TENM2: variants seen among roughly 807,000 people sequenced by gnomAD.
TENM2 encodes the protein teneurin-2.
A neutral mutation model predicts 245.2 loss-of-function variants in TENM2; 52 were observed. The observed-to-expected ratio is 0.21, with a 90% CI of 0.17 to 0.27. The LOEUF (loss-of-function observed/expected upper bound fraction) is 0.27, where lower values mean the gene tolerates loss of function less well. Among genes scored for constraint, TENM2 ranks in the 10% least tolerant of loss-of-function variants. The pLI is 1.00. For synonymous variants in TENM2, 1,363 were observed against 1,438.9 expected, an observed-to-expected ratio of 0.95 and a Z score of 1.19; for missense variants, 3,046 against 3,666.8, an observed-to-expected ratio of 0.83 and a Z score of 4.37.
chr5:167,272,593 C>T, the TENM2 span, among the ~76,000 whole-genome samples: 1 of 152,128 alleles, frequency 6.6e-6, no homozygotes. Context: ...TTCACGTGTA[C>T]TAACCCTTTC....
At chr5:168,083,263 A>G (rs1562136696) in intron 7 of TENM2, among the ~76,000 whole-genome samples, 2 of 152,242 alleles carry the variant, frequency 1.3e-5, no homozygotes, top group African/African-American at 4.8e-5. Context: ...TGTGCAGGAT[A>G]TAATCTCCTG....
chr5:167,843,278 T>C (rs767233914), intron 2 of TENM2, among the ~76,000 whole-genome samples: 8 of 109,786 alleles, frequency 7.3e-5, no homozygotes, highest in African/African-American at 3.0e-4. Context: ...TCATGCTTGC[T>C]CTGAGAATTT....
the TENM2 span, among the ~76,000 whole-genome samples, chr5:167,159,210 T>C: frequency 1.3e-5 from 2 of 151,968 alleles, no homozygotes; most frequent in African/African-American, 4.8e-5. Flanking sequence ...CCCAAAGTGC[T>C]GGGATTACAG....
intron 2 of TENM2, among the ~76,000 whole-genome samples, chr5:167,515,679 A>ACATATATATG (rs1239603072): frequency 6.7e-6 from 1 of 148,906 alleles, no homozygotes; most frequent in Non-Finnish European, 1.5e-5. Flanking sequence ...GTGTATATAT[A>ACATATATATG]TTTTGAGAGG....
intron 2 of TENM2, among the ~76,000 whole-genome samples, chr5:167,423,491 A>G (rs1763631253): frequency 6.6e-6 from 1 of 152,226 alleles, no homozygotes; most frequent in African/African-American, 2.4e-5. Context: ...TGAACTGTTA[A>G]TAAGCTGTCA....
intron 2 of TENM2, among the ~76,000 whole-genome samples, chr5:167,851,847 T>C (rs1770611466): frequency 6.6e-6 from 1 of 152,210 alleles, no homozygotes; most frequent in African/African-American, 2.4e-5. Context: ...AGCCAAGGAA[T>C]TATTGTCTCT....
intron 5 of TENM2, among the ~76,000 whole-genome samples, chr5:168,041,702 T>A (rs2152010741): frequency 6.6e-6 from 1 of 152,292 alleles, no homozygotes; most frequent in South Asian, 2.1e-4. Context: ...ACAGCAAGGA[T>A]TTTGTCTTGT....
At chr5:168,232,702 A>G (rs973410614) in intron 25 of TENM2, among the ~76,000 whole-genome samples, 7 of 152,138 alleles carry the variant, frequency 4.6e-5, no homozygotes, top group Admixed American at 2.6e-4. Flanking sequence ...TCACAATAGA[A>G]CAGTGCCCAG....
At chr5:167,106,213 T>C in the TENM2 span, among the ~76,000 whole-genome samples, 1 of 152,162 alleles carries the variant, frequency 6.6e-6, no homozygotes, top group African/African-American at 2.4e-5. Flanking sequence ...TCACAAACTG[T>C]CCTCTTTTCG....
chr5:167,840,257 G>A (rs1220625134), intron 2 of TENM2, among the ~76,000 whole-genome samples: 4 of 152,212 alleles, frequency 2.6e-5, no homozygotes, highest in Non-Finnish European at 4.4e-5. Context: ...AGACTTCAGA[G>A]CCAAAAAAGC....
At chr5:168,055,782 A>C (rs1789489049) in intron 6 of TENM2, among the ~76,000 whole-genome samples, 1 of 152,194 alleles carries the variant, frequency 6.6e-6, no homozygotes, top group African/African-American at 2.4e-5. Flanking sequence ...CAACATGCAG[A>C]AGCACCCCAA....
the TENM2 span, among the ~76,000 whole-genome samples, chr5:167,142,911 G>A: frequency 6.6e-6 from 1 of 152,170 alleles, no homozygotes; most frequent in Non-Finnish European, 1.5e-5. Flanking sequence ...ATAGAAGAGT[G>A]AGGAATTAAC....
rs115760863 is a variant in TENM2, at chr5:167,675,941, A to G, written c.503-200045A>G. On this transcript the variant is annotated intron_variant, in intron 2 of 28. Coordinates refer to ENST00000518659, the Ensembl canonical transcript of TENM2. Reference sequence around the variant, plus strand: ...ACTGCTCAGGTTGCTTGGGTAGTACATGAATGTCAAAGATCAGTCTGACTT... The same window carrying G: ...ACTGCTCAGGTTGCTTGGGTAGTACGTGAATGTCAAAGATCAGTCTGACTT... Among the ~76,000 whole-genome samples, 124 of 152,160 alleles carry G rather than the reference A, an allele frequency of 8.1e-4. 1 individual carries two copies. The highest frequency in any genetic ancestry group is 2.9e-3 in the African/African-American group (121 of 41,532).
At chr5:167,136,086 T>C in the TENM2 span, among the ~76,000 whole-genome samples, 1 of 152,242 alleles carries the variant, frequency 6.6e-6, no homozygotes, top group African/African-American at 2.4e-5. Flanking sequence ...CATTTTTAAA[T>C]TGATTACATG....
At chr5:167,538,969 T>A (rs2127601511) in intron 2 of TENM2, among the ~76,000 whole-genome samples, 1 of 152,318 alleles carries the variant, frequency 6.6e-6, no homozygotes, top group South Asian at 2.1e-4. Flanking sequence ...TCAGCATTAT[T>A]ATAATCACAA....
At chr5:167,818,719 G>T (rs2151025441) in intron 2 of TENM2, among the ~76,000 whole-genome samples, 1 of 152,244 alleles carries the variant, frequency 6.6e-6, no homozygotes, top group Middle Eastern at 3.4e-3. Flanking sequence ...TTAGTTATTG[G>T]AAAAAGATAT....
At chr5:167,475,880 T>C (rs1470072317) in intron 2 of TENM2, among the ~76,000 whole-genome samples, 2 of 152,198 alleles carry the variant, frequency 1.3e-5, no homozygotes, top group Non-Finnish European at 2.9e-5. Context: ...TGCCACATTT[T>C]CTTTATCCAG....
At chr5:168,116,452 C>G (rs530807782) in intron 9 of TENM2, among the ~76,000 whole-genome samples, 23 of 152,214 alleles carry the variant, frequency 1.5e-4, no homozygotes, top group Non-Finnish European at 2.8e-4. Flanking sequence ...ACATGCACTT[C>G]CCCAGAAAAA....
chr5:167,910,573 T>A (rs1776467764), intron 3 of TENM2, among the ~76,000 whole-genome samples: 1 of 152,222 alleles, frequency 6.6e-6, no homozygotes, highest in Admixed American at 6.5e-5. Context: ...AGATCCGAAC[T>A]GTTCTTACAC....
Sources: gnomAD v4.1 joint callset for allele counts (sites outside exome capture counted in the v4.1 genomes callset) on GRCh38, gnomAD v4.1.1 for gene constraint, MANE v1.5 for transcripts, NCBI Gene and HGNC (gene_info 2026-07-23, HGNC 2026-07-21) for gene names.